Variants in JHY observed in about 807,000 individuals in gnomAD.
JHY encodes the protein jhy protein homolog.
A neutral mutation model predicts 78.0 loss-of-function variants in JHY; 69 were observed. That is an observed-to-expected ratio of 0.88 (90% CI 0.73 to 1.08). The LOEUF is 1.08. Ranked by LOEUF, JHY falls within the 50% of genes least tolerant of loss-of-function variation. The pLI is 0.00. For synonymous variants in JHY, 368 were observed against 342.6 expected (o/e 1.07, Z -0.82); for missense variants, 944 against 927.8 (o/e 1.02, Z -0.23).
Position 122,885,976 on chromosome 11 carries a change from T to C in JHY, c.127T>C (p.Leu43=), listed in dbSNP as rs1338243240. The C allele has an allele frequency of 1.9e-6, 3 of 1,614,176 alleles. No homozygotes were observed. The highest frequency in any genetic ancestry group is 3.3e-5 in the Admixed American group (2 of 60,016). Residue 43 remains leucine, a synonymous_variant, in exon 2 of 9, where the codon TTG becomes CTG. Transcript: ENST00000227349. The part of the protein sequence containing the change: ...EDLHRISKDS[L]ESDSESLTQE... Reference sequence around the variant, plus strand: ...CTTACATCGGATTTCAAAAGACTCCTTGGAATCTGATTCAGAAAGCCTCAC... The same window carrying C: ...CTTACATCGGATTTCAAAAGACTCCCTGGAATCTGATTCAGAAAGCCTCAC...
At chr11:122,923,432 G>T (rs1002265965) in intron 3 of JHY, among the ~76,000 whole-genome samples, 1 of 152,214 alleles carries the variant, frequency 6.6e-6, no homozygotes, top group African/African-American at 2.4e-5. Context: ...ATCTACCAGG[G>T]ATGGTGTGGA....
At chr11:122,913,511 T>C (rs991674729) in intron 3 of JHY, among the ~76,000 whole-genome samples, 1 of 152,002 alleles carries the variant, frequency 6.6e-6, no homozygotes, top group African/African-American at 2.4e-5. Context: ...CCTTCATCAA[T>C]CCCTACTTGT....
intron 6 of JHY, among the ~76,000 whole-genome samples, chr11:122,953,096 A>G (rs1864124630): frequency 6.6e-6 from 1 of 152,218 alleles, no homozygotes; most frequent in Non-Finnish European, 1.5e-5. Context: ...TTATTTCAAT[A>G]ATTCTATGGC....
chr11:122,893,232 T>C (rs1862663696), intron 2 of JHY, among the ~76,000 whole-genome samples: 1 of 152,228 alleles, frequency 6.6e-6, no homozygotes. Context: ...TTGTTGCAGG[T>C]ATTAGTCATT....
At chr11:122,884,702 TC>T (rs1387862004) in intron 1 of JHY, among the ~76,000 whole-genome samples, 1 of 152,158 alleles carries the variant, frequency 6.6e-6, no homozygotes, top group African/African-American at 2.4e-5. Context: ...CACTCAACTT[TC>T]CCCAGGATAG....
chr11:122,914,002 C>A (rs1026106094), intron 3 of JHY, among the ~76,000 whole-genome samples: 2 of 152,100 alleles, frequency 1.3e-5, no homozygotes, highest in African/African-American at 4.8e-5. Flanking sequence ...AGTCAAAAGA[C>A]CTGATTTGAG....
intron 6 of JHY, among the ~76,000 whole-genome samples, chr11:122,949,819 CT>C (rs1049434807): frequency 2.0e-5 from 3 of 149,746 alleles, no homozygotes; most frequent in Non-Finnish European, 4.4e-5. Flanking sequence ...AAAGGTGTTC[CT>C]TTTTTCTTTT....
chr11:122,895,094 C>G (rs1862711755), intron 2 of JHY, among the ~76,000 whole-genome samples: 1 of 152,090 alleles, frequency 6.6e-6, no homozygotes, highest in Non-Finnish European at 1.5e-5. Context: ...TTAAGGTGAG[C>G]ATAGAATTCA....
chr11:122,923,834 A>G (rs1246602600), intron 3 of JHY, among the ~76,000 whole-genome samples: 1 of 150,010 alleles, frequency 6.7e-6, no homozygotes, highest in Non-Finnish European at 1.5e-5. Context: ...TATCTGCCTC[A>G]GCCTTCCGAG....
Position 122,886,026 on chromosome 11 carries a change from G to C in JHY, c.177G>C (p.Glu59Asp), listed in dbSNP as rs776258928. 6.2e-7 allele frequency: 1 copy of C among 1,614,184 alleles called. No individual in the cohort carries two copies. The highest frequency in any genetic ancestry group is 1.1e-5 in the South Asian group (1 of 91,088). The part of the protein sequence containing the change: ...SLTQEIMCHS[E>D]FDDRIRGNGM... ...CGCAAGAGATTATGTGCCATTCTGA[G>C]TTTGATGATCGAATCCGGGGCAACG... The change falls in exon 2 of 9, where the codon GAG becomes GAC. Residue 59 changes from glutamate (E) to aspartate (D), a missense_variant. By Grantham distance (45) the Glu-to-Asp change is conservative. Coordinates refer to ENST00000227349, the MANE Select transcript of JHY (RefSeq NM_024806.4).
rs1020147763 is a variant in JHY, at chr11:122,912,052, T to G, written c.864+7608T>G. ...CTGTAATCCCAGCACTTTGGGAGGC[T>G]GGGGTGGGCGGATCACCTGAAGTCA... On this transcript the variant is annotated intron_variant, in intron 3 of 8. Transcript: ENST00000227349. 3.3e-5 allele frequency among the ~76,000 whole-genome samples: 5 copies of G among 151,552 alleles called. No individual in the cohort carries two copies. The South Asian group carries it at 6.3e-4, about 19-fold the overall frequency.
intron 4 of JHY, among the ~76,000 whole-genome samples, chr11:122,927,548 T>C (rs1257097841): frequency 1.3e-5 from 2 of 152,070 alleles, no homozygotes; most frequent in African/African-American, 4.8e-5. Flanking sequence ...CCAAGTCCAA[T>C]GCCTTCTTTT....
intron 6 of JHY, among the ~76,000 whole-genome samples, chr11:122,951,424 T>C (rs1864080939): frequency 6.6e-6 from 1 of 152,250 alleles, no homozygotes; most frequent in South Asian, 2.1e-4. Context: ...TGGGCATTGC[T>C]GCTTGACTGC....
chr11:122,931,337 A>G (rs1863631285), intron 4 of JHY, among the ~76,000 whole-genome samples: 1 of 152,234 alleles, frequency 6.6e-6, no homozygotes, highest in Admixed American at 6.5e-5. Context: ...GATAGTATTA[A>G]AGATATATAG....
chr11:122,923,179 C>T (rs151253439), intron 3 of JHY, among the ~76,000 whole-genome samples: 73 of 152,296 alleles, frequency 4.8e-4, no homozygotes, highest in African/African-American at 1.6e-3. Flanking sequence ...AGGAGTTAGT[C>T]TGTTCTGTGT....
intron 4 of JHY, among the ~76,000 whole-genome samples, chr11:122,932,291 T>C (rs1863652442): frequency 6.6e-6 from 1 of 152,160 alleles, no homozygotes; most frequent in Non-Finnish European, 1.5e-5. Context: ...AAATGCCATC[T>C]CTGGGCACTT....
chr11:122,899,533 G>A (rs1238844819), intron 2 of JHY, among the ~76,000 whole-genome samples: 2 of 152,154 alleles, frequency 1.3e-5, no homozygotes, highest in African/African-American at 4.8e-5. Context: ...CTGTATTTGT[G>A]TTGACTAGAA....
intron 2 of JHY, among the ~76,000 whole-genome samples, chr11:122,887,092 T>A (rs1477606134): frequency 2.0e-5 from 3 of 152,126 alleles, no homozygotes; most frequent in Non-Finnish European, 4.4e-5. Flanking sequence ...GGTTTTAGTG[T>A]GGTGGTGAAG....
At chr11:122,932,800 C>T (rs1863663719) in intron 4 of JHY, among the ~76,000 whole-genome samples, 1 of 152,126 alleles carries the variant, frequency 6.6e-6, no homozygotes, top group Non-Finnish European at 1.5e-5. Context: ...AGCCTTCCTG[C>T]CCGCATTTCC....
Sources: gnomAD v4.1 joint callset for allele counts (sites outside exome capture counted in the v4.1 genomes callset) on GRCh38, gnomAD v4.1.1 for gene constraint, MANE v1.5 for transcripts, NCBI Gene and HGNC (gene_info 2026-07-23, HGNC 2026-07-21) for gene names.